The following EPS15 variants were observed in gnomAD, a reference collection of about 807,000 sequenced individuals.
EPS15 encodes the protein epidermal growth factor receptor pathway substrate 15, also known as epidermal growth factor receptor substrate 15.
A neutral mutation model predicts 113.8 loss-of-function variants in EPS15; 72 were observed. The observed-to-expected ratio is 0.63, with a 90% CI of 0.52 to 0.77. The LOEUF is 0.77. Ranked by LOEUF, EPS15 falls within the 30% of genes least tolerant of loss-of-function variation. EPS15 has a pLI of 0.00. For synonymous variants in EPS15, 344 were observed against 363.4 expected (o/e 0.95, Z 0.61); for missense variants, 1,048 against 1,045.8 (o/e 1.00, Z -0.03).
At chr1:51,359,397 TTA>T (rs1209691949) in intron 24 of EPS15, among the ~76,000 whole-genome samples, 2 of 143,652 alleles carry the variant, frequency 1.4e-5, no homozygotes. Flanking sequence ...TGAGCTGAGA[TTA>T]CGCCACTGCA....
intron 1 of EPS15, among the ~76,000 whole-genome samples, chr1:51,518,920 T>C (rs1644784797): frequency 6.6e-6 from 1 of 151,300 alleles, no homozygotes; most frequent in South Asian, 2.1e-4. Flanking sequence ...CGGGTCACAG[T>C]CCACTCGGCA....
intron 21 of EPS15, among the ~76,000 whole-genome samples, chr1:51,369,024 C>A (rs1322405261): frequency 7.4e-6 from 1 of 135,276 alleles, no homozygotes; most frequent in African/African-American, 2.5e-5. Context: ...TGCTTCATGC[C>A]TTTTCTCTGT....
intron 1 of EPS15, among the ~76,000 whole-genome samples, chr1:51,496,930 C>T (rs1021550274): frequency 6.6e-6 from 1 of 152,066 alleles, no homozygotes; most frequent in African/African-American, 2.4e-5. Context: ...ATTCTGAGTT[C>T]TAGAATTTTT....
intron 4 of EPS15, among the ~76,000 whole-genome samples, chr1:51,470,229 C>T (rs1024196523): frequency 1.3e-5 from 2 of 152,186 alleles, no homozygotes; most frequent in Admixed American, 6.5e-5. Flanking sequence ...CTAATACCTA[C>T]CTTGCAATGT....
intron 1 of EPS15, among the ~76,000 whole-genome samples, chr1:51,493,705 G>A (rs1266308870): frequency 3.3e-5 from 5 of 150,972 alleles, no homozygotes; most frequent in Admixed American, 6.6e-5. Context: ...TGCAACCTCC[G>A]CCTTCTGGGT....
chr1:51,370,926 G>T lies in EPS15; in HGVS notation c.2120-4897C>A, dbSNP rs373887946. On this transcript the variant is annotated intron_variant, in intron 21 of 24. Transcript: ENST00000371733. The stretch of plus-strand genomic sequence containing the variant: ...AAGCCACCATGCCCACCCTATTTTG[G>T]TTTTTTTGAGATGGAATCTTGCTCT... Among the ~76,000 whole-genome samples, 897 of 146,466 alleles carry T rather than the reference G, an allele frequency of 6.1e-3. 3 individuals carry two copies. Among genetic ancestry groups the T allele is most frequent in the African/African-American group, 0.02 (781 of 39,558 alleles).
chr1:51,471,749 G>C lies in EPS15; in HGVS notation c.166-12C>G, dbSNP rs776023998. ...GCTAAATCCCAAATCTGAAATTTAGGGGGAAAAAATATCAATGTATATTTT... is the reference window on the plus strand; with the variant it reads ...GCTAAATCCCAAATCTGAAATTTAGCGGGAAAAAATATCAATGTATATTTT... On this transcript the variant is annotated splice_polypyrimidine_tract_variant and intron_variant, in intron 3 of 24. Coordinates refer to ENST00000371733, the MANE Select transcript of EPS15 (RefSeq NM_001981.3). 2.5e-6 allele frequency: 4 copies of C among 1,595,868 alleles called. No homozygotes were observed. The highest frequency in any genetic ancestry group is 4.5e-5 in the East Asian group (2 of 44,698).
chr1:51,394,333 TA>T (rs751033029), intron 21 of EPS15, 47 bp downstream of exon 21: 126 of 1,236,172 alleles, frequency 1.0e-4, no homozygotes, highest in East Asian at 4.2e-4. Flanking sequence ...AAAAGAATCT[TA>T]AAAAAAATGT....
At chr1:51,483,026 G>C (rs977340613) in intron 1 of EPS15, among the ~76,000 whole-genome samples, 6 of 152,128 alleles carry the variant, frequency 3.9e-5, no homozygotes, top group African/African-American at 1.4e-4. Context: ...AAAAATTCCA[G>C]AAATAAACAT....
chr1:51,499,847 A>T (rs1485596303), intron 1 of EPS15, among the ~76,000 whole-genome samples: 1 of 152,242 alleles, frequency 6.6e-6, no homozygotes, highest in Admixed American at 6.5e-5. Flanking sequence ...TACAGAATTC[A>T]GTGGCACTAA....
intron 8 of EPS15, among the ~76,000 whole-genome samples, chr1:51,455,705 A>T (rs938409647): frequency 4.6e-5 from 7 of 152,242 alleles, no homozygotes; most frequent in African/African-American, 1.7e-4. Flanking sequence ...TATATTTCCA[A>T]TATCCTTACA....
intron 12 of EPS15, among the ~76,000 whole-genome samples, chr1:51,437,837 G>A (rs558820835): frequency 3.3e-4 from 50 of 152,160 alleles, no homozygotes; most frequent in African/African-American, 1.1e-3. Flanking sequence ...AACTGGCTAA[G>A]ATTTTGTCAG....
intron 24 of EPS15, among the ~76,000 whole-genome samples, chr1:51,357,431 T>A (rs1438434661): frequency 6.1e-4 from 65 of 106,976 alleles, no homozygotes; most frequent in East Asian, 2.5e-3. Context: ...TATATATTTT[T>A]TTTTTTTAAA....
intron 3 of EPS15, 139 bp from the exon 4 acceptor site, chr1:51,471,876 C>A: frequency 1.4e-6 from 1 of 709,658 alleles, no homozygotes. Context: ...GTGGAAAGAA[C>A]CCTTAAAGAT....
intron 1 of EPS15, among the ~76,000 whole-genome samples, chr1:51,514,369 T>C (rs574383568): frequency 5.3e-5 from 8 of 151,890 alleles, no homozygotes; most frequent in East Asian, 1.9e-4. Context: ...GTACTGATTT[T>C]TTTTTTAAAA....
intron 12 of EPS15, 163 bp from the exon 13 acceptor site, chr1:51,422,021 T>C: frequency 7.7e-7 from 1 of 1,301,960 alleles, no homozygotes. Context: ...ATTTATGAAA[T>C]AAAAATCAAT....
chr1:51,407,141 T>C (rs975068810), intron 15 of EPS15, among the ~76,000 whole-genome samples: 20 of 152,200 alleles, frequency 1.3e-4, no homozygotes, highest in African/African-American at 4.3e-4. Flanking sequence ...CTTTAGTTTG[T>C]TCAAATTCAT....
At chr1:51,385,629 C>A (rs1223538892) in intron 21 of EPS15, among the ~76,000 whole-genome samples, 1 of 152,074 alleles carries the variant, frequency 6.6e-6, no homozygotes, top group Non-Finnish European at 1.5e-5. Context: ...ATTATGCACA[C>A]AAACAAAATG....
intron 21 of EPS15, among the ~76,000 whole-genome samples, chr1:51,379,140 G>C (rs1483545844): frequency 6.6e-6 from 1 of 151,952 alleles, no homozygotes; most frequent in Non-Finnish European, 1.5e-5. Context: ...TTTCTTTTTG[G>C]ATGGAGTCTC....
Sources: allele counts gnomAD v4.1 joint callset (sites outside exome capture counted in the v4.1 genomes callset), GRCh38; gene constraint gnomAD v4.1.1; transcripts MANE v1.5; gene names NCBI Gene and HGNC (gene_info 2026-07-23, HGNC 2026-07-21).